Variants in SPATA31G1 observed in about 807,000 individuals in gnomAD.
SPATA31G1 encodes spermatogenesis-associated protein 31G1.
chr9:35,045,558 G>A, the SPATA31G1 span: 11 of 1,614,172 alleles, frequency 6.8e-6, no homozygotes, highest in Admixed American at 1.7e-5. Context: ...CCCTGCCCAG[G>A]CCAGAAGCCT....
chr9:35,043,916 A>G, the SPATA31G1 span: 2 of 1,614,066 alleles, frequency 1.2e-6, no homozygotes, highest in East Asian at 2.2e-5. Flanking sequence ...TTGAGTCTCC[A>G]GTCTTGGACC....
At chr9:35,045,238 C>T in the SPATA31G1 span, 1 of 1,614,038 alleles carries the variant, frequency 6.2e-7, no homozygotes, top group African/African-American at 1.3e-5. Flanking sequence ...CAATCCTCTT[C>T]CCAGCTTCAG....
chr9:35,043,288 T>C, the SPATA31G1 span: 3 of 1,614,202 alleles, frequency 1.9e-6, no homozygotes, highest in Admixed American at 5.0e-5. Context: ...CCCTCTCCTC[T>C]GAAGTGGTCT....
At chr9:35,043,883 A>G in the SPATA31G1 span, 1 of 1,614,180 alleles carries the variant, frequency 6.2e-7, no homozygotes, top group Admixed American at 1.7e-5. Context: ...AATGCAGAGA[A>G]AACTCAGGAA....
chr9:35,042,421 G>C, the SPATA31G1 span: 2 of 1,614,130 alleles, frequency 1.2e-6, no homozygotes, highest in Non-Finnish European at 8.5e-7. Context: ...ATTCAGAGAT[G>C]GTGGCAGCTT....
At chr9:35,044,350 G>A in the SPATA31G1 span, 1 of 1,614,026 alleles carries the variant, frequency 6.2e-7, no homozygotes, top group Non-Finnish European at 8.5e-7. Context: ...GAGCTGCTCA[G>A]AGTTAGATCC....
chr9:35,045,318 C>T, the SPATA31G1 span: 5 of 1,614,018 alleles, frequency 3.1e-6, no homozygotes, highest in Non-Finnish European at 4.2e-6. Flanking sequence ...GATGGTGAGC[C>T]AGGTCCCATC....
the SPATA31G1 span, chr9:35,043,410 G>A: frequency 6.2e-7 from 1 of 1,614,132 alleles, no homozygotes; most frequent in East Asian, 2.2e-5. Context: ...CCATACTATG[G>A]AAGATCTAGA....
the SPATA31G1 span, chr9:35,043,236 C>T: frequency 1.2e-6 from 2 of 1,614,228 alleles, no homozygotes; most frequent in Non-Finnish European, 1.7e-6. Flanking sequence ...CCCCTCTCTG[C>T]ACAGCGAGTC....
chr9:35,041,669 C>A, the SPATA31G1 span: 1 of 153,344 alleles, frequency 6.5e-6, no homozygotes, highest in African/African-American at 2.4e-5. Flanking sequence ...GGAGTCGAGA[C>A]CAGCCTGGGC....
chr9:35,041,468 A>G, the SPATA31G1 span: 1 of 166,776 alleles, frequency 6.0e-6, no homozygotes, highest in Non-Finnish European at 1.3e-5. Flanking sequence ...TGTGCTGGGT[A>G]GAGTGGCCCA....
At chr9:35,044,093 G>A in the SPATA31G1 span, 5 of 1,614,088 alleles carry the variant, frequency 3.1e-6, no homozygotes, top group Non-Finnish European at 4.2e-6. Context: ...TGGGCCCCCA[G>A]GGAGTCCTGT....
At chr9:35,043,303 G>C in the SPATA31G1 span, 1 of 1,614,200 alleles carries the variant, frequency 6.2e-7, no homozygotes, top group East Asian at 2.2e-5. Context: ...TGGTCTGTTT[G>C]TTCTTCTGTC....
At chr9:35,045,577 C>A in the SPATA31G1 span, 1 of 1,614,076 alleles carries the variant, frequency 6.2e-7, no homozygotes, top group Non-Finnish European at 8.5e-7. Flanking sequence ...CTAGTAGAGG[C>A]CCCTGTAAGC....
chr9:35,042,597 G>A, the SPATA31G1 span: 14 of 1,509,258 alleles, frequency 9.3e-6, no homozygotes, highest in Non-Finnish European at 1.1e-5. Context: ...ATGTGAGGCT[G>A]GGTGAGTAAC....
At chr9:35,042,566 G>A in the SPATA31G1 span, 205 of 1,596,440 alleles carry the variant, frequency 1.3e-4, no homozygotes, top group South Asian at 9.1e-4. Flanking sequence ...GTGGGCCCAG[G>A]TGAGTGACTA....
At chr9:35,044,697 T>C in the SPATA31G1 span, 1 of 1,614,122 alleles carries the variant, frequency 6.2e-7, no homozygotes, top group South Asian at 1.1e-5. Flanking sequence ...AGCCCCCAGC[T>C]CACTCTCTAC....
At chr9:35,042,322 C>T in the SPATA31G1 span, 1 of 1,614,210 alleles carries the variant, frequency 6.2e-7, no homozygotes, top group East Asian at 2.2e-5. Flanking sequence ...GGCCAACTGA[C>T]CCATGCCCTA....
chr9:35,042,272 G>A, the SPATA31G1 span: 1 of 1,614,082 alleles, frequency 6.2e-7, no homozygotes, highest in South Asian at 1.1e-5. Flanking sequence ...GGCTGCTGGA[G>A]GACCTGCTTG....
Sources: gnomAD v4.1 joint callset for allele counts on GRCh38, gnomAD v4.1.1 for gene constraint, MANE v1.5 for transcripts, NCBI Gene and HGNC (gene_info 2026-07-23, HGNC 2026-07-21) for gene names.